Variants in TENM2 observed in about 807,000 individuals in gnomAD.
TENM2 encodes the protein teneurin transmembrane protein 2.
Under a neutral mutation model 245.2 loss-of-function variants are expected in TENM2, and 52 were observed. The ratio of observed to expected loss-of-function variants is 0.21; its 90% confidence interval spans 0.17 to 0.27. The LOEUF (loss-of-function observed/expected upper bound fraction) is 0.27, where lower values mean the gene tolerates loss of function less well. Ranked by LOEUF, TENM2 falls within the 10% of genes least tolerant of loss-of-function variation. The pLI, the probability that TENM2 is intolerant of heterozygous loss-of-function variation, is 1.00. For missense variants in TENM2, 3,046 were observed against 3,666.8 expected, an observed-to-expected ratio of 0.83 and a Z score of 4.37; for synonymous variants, 1,363 against 1,438.9, an observed-to-expected ratio of 0.95 and a Z score of 1.19.
the TENM2 span, among the ~76,000 whole-genome samples, chr5:167,181,466 TTGTGTGTGTGTGTG>T: frequency 2.4e-5 from 3 of 122,584 alleles, no homozygotes; most frequent in Admixed American, 2.5e-4. Flanking sequence ...AGCCGCTCGT[TTGTGTGTGTGTGTG>T]TGTGTGTGTG....
At position 167,620,548 on chromosome 5, in the gene TENM2, G is replaced by C. The variant is rs991478973; in HGVS notation, c.502+245075G>C. 1.7e-4 allele frequency among the ~76,000 whole-genome samples: 6 copies of C among 35,568 alleles called. No individual in the cohort carries two copies. In the South Asian group the frequency reaches 2.4e-3, roughly 14 times the overall value. 23.3% of individuals were successfully genotyped at this position (35,568 alleles called of 152,430 possible). The stretch of plus-strand genomic sequence containing the variant: ...CTGTTGGCTAAAACTTTGCTTTTTG[G>C]CTTTTTTTTTTTTTTTTTTTTTTCA... On this transcript the variant is annotated intron_variant, in intron 2 of 28. Transcript: ENST00000518659.
At chr5:167,201,712 G>A in the TENM2 span, among the ~76,000 whole-genome samples, 1 of 152,176 alleles carries the variant, frequency 6.6e-6, no homozygotes, top group East Asian at 1.9e-4. Flanking sequence ...TTAGAGATGT[G>A]TGTGCTCTGT....
chr5:168,154,224 T>G (rs147252123), intron 12 of TENM2, among the ~76,000 whole-genome samples: 37 of 147,448 alleles, frequency 2.5e-4, no homozygotes, highest in African/African-American at 9.5e-4. Flanking sequence ...CCTTTCTCCT[T>G]TTTTTTGAGA....
At chr5:167,479,122 A>C (rs1472706578) in intron 2 of TENM2, among the ~76,000 whole-genome samples, 1 of 152,302 alleles carries the variant, frequency 6.6e-6, no homozygotes, top group Non-Finnish European at 1.5e-5. Flanking sequence ...AAGTTATATT[A>C]GTTGTCCAAG....
At chr5:166,997,820 G>A in the TENM2 span, among the ~76,000 whole-genome samples, 1 of 152,112 alleles carries the variant, frequency 6.6e-6, no homozygotes, top group Non-Finnish European at 1.5e-5. Context: ...AAGTGCCGGG[G>A]ATACTAATTT....
the TENM2 span, among the ~76,000 whole-genome samples, chr5:166,991,027 T>C: frequency 6.6e-6 from 1 of 151,600 alleles, no homozygotes; most frequent in African/African-American, 2.4e-5. Flanking sequence ...AAGGAAAGAG[T>C]GAAAGAGAGA....
intron 2 of TENM2, among the ~76,000 whole-genome samples, chr5:167,868,461 G>A (rs150403417): frequency 1.3e-4 from 19 of 151,926 alleles, no homozygotes; most frequent in South Asian, 2.1e-4. Context: ...GATGCTGACC[G>A]GGTGCAGTGG....
the TENM2 span, among the ~76,000 whole-genome samples, chr5:167,154,761 C>T: frequency 1.3e-5 from 2 of 152,134 alleles, no homozygotes; most frequent in African/African-American, 4.8e-5. Flanking sequence ...CCCGAATTGC[C>T]TTATTTTTCC....
chr5:167,951,642 G>C (rs1780111755), intron 3 of TENM2, among the ~76,000 whole-genome samples: 1 of 152,116 alleles, frequency 6.6e-6, no homozygotes, highest in Non-Finnish European at 1.5e-5. Context: ...ATGCAATTTG[G>C]AGTCGGGGTC....
chr5:167,393,442 A>G (rs1455315921), intron 2 of TENM2, among the ~76,000 whole-genome samples: 1 of 152,182 alleles, frequency 6.6e-6, no homozygotes, highest in African/African-American at 2.4e-5. Context: ...GGAATTGACT[A>G]TACAGATTTC....
the TENM2 span, among the ~76,000 whole-genome samples, chr5:166,985,958 C>T: frequency 6.6e-6 from 1 of 152,146 alleles, no homozygotes; most frequent in South Asian, 2.1e-4. Context: ...GTGGTCTGTA[C>T]TCTTTGCAAT....
intron 2 of TENM2, among the ~76,000 whole-genome samples, chr5:167,855,667 GAGGA>G (rs375990506): frequency 6.5e-5 from 6 of 92,756 alleles, no homozygotes; most frequent in South Asian, 5.5e-4. Context: ...GGAAGAAAGA[GAGGA>G]AGGAAGGAAG....
At chr5:167,897,890 G>GTTTTTTTTTTT (rs35680049) in intron 3 of TENM2, among the ~76,000 whole-genome samples, 2 of 89,294 alleles carry the variant, frequency 2.2e-5, no homozygotes, top group African/African-American at 6.9e-5. Flanking sequence ...GTAGTAAATT[G>GTTTTTTTTTTT]TTTTTTTTTT....
chr5:167,647,656 A>G (rs1306957930), intron 2 of TENM2, among the ~76,000 whole-genome samples: 1 of 152,118 alleles, frequency 6.6e-6, no homozygotes, highest in Non-Finnish European at 1.5e-5. Flanking sequence ...TGCGAAGGGA[A>G]GGTGCTGAAT....
chr5:167,706,757 G>A (rs1247009242), intron 2 of TENM2, among the ~76,000 whole-genome samples: 1 of 152,032 alleles, frequency 6.6e-6, no homozygotes, highest in African/African-American at 2.4e-5. Flanking sequence ...GCTCACGCCT[G>A]TAATCCCAGC....
At chr5:167,358,959 C>T (rs970175872) in intron 1 of TENM2, among the ~76,000 whole-genome samples, 9 of 151,796 alleles carry the variant, frequency 5.9e-5, no homozygotes, top group Non-Finnish European at 1.0e-4. Context: ...CCACACCCTG[C>T]GTGTAATCCA....
intron 7 of TENM2, among the ~76,000 whole-genome samples, chr5:168,081,710 G>C (rs948269135): frequency 6.6e-6 from 1 of 152,174 alleles, no homozygotes; most frequent in Admixed American, 6.5e-5. Flanking sequence ...GGCTGGATAT[G>C]AAATTCTGGG....
chr5:167,418,874 C>A (rs1437491773), intron 2 of TENM2, among the ~76,000 whole-genome samples: 1 of 151,902 alleles, frequency 6.6e-6, no homozygotes, highest in Non-Finnish European at 1.5e-5. Flanking sequence ...CCCTTGGCAT[C>A]AAGAATAAAT....
At chr5:166,979,198 CAGCAGCAGCAG>C in the TENM2 span, among the ~76,000 whole-genome samples, 2 of 38,816 alleles carry the variant, frequency 5.2e-5, no homozygotes, top group African/African-American at 9.0e-5. Context: ...CCACCACCAG[CAGCAGCAGCAG>C]CAGCAGCAGC....
Sources: allele counts gnomAD v4.1 joint callset (sites outside exome capture counted in the v4.1 genomes callset), GRCh38; gene constraint gnomAD v4.1.1; transcripts MANE v1.5; gene names NCBI Gene and HGNC (gene_info 2026-07-23, HGNC 2026-07-21).